The following IDE variants were observed in gnomAD, a reference collection of about 807,000 sequenced individuals.
IDE encodes insulin degrading enzyme, also known as insulin-degrading enzyme.
Under a neutral mutation model 133.2 loss-of-function variants are expected in IDE, and 58 were observed. The ratio of observed to expected loss-of-function variants is 0.44; its 90% CI spans 0.35 to 0.54. IDE has a LOEUF of 0.54. IDE is among the 20% of genes least tolerant of loss of function. The probability of loss-of-function intolerance (pLI) is 0.00; values close to 1 mark genes in which losing one functional copy is unlikely to be tolerated. For missense variants in IDE, 981 were observed against 1,234.0 expected (o/e 0.79, Z 3.07); for synonymous variants, 396 against 421.3 (o/e 0.94, Z 0.73).
chr10:92,522,264 T>A (rs543681062), intron 4 of IDE, among the ~76,000 whole-genome samples: 1 of 152,220 alleles, frequency 6.6e-6, no homozygotes, highest in Admixed American at 6.5e-5. Context: ...TACTTCTCTA[T>A]GCAAAAGCAT....
At position 92,486,982 on chromosome 10, in the gene IDE, C is replaced by G. The variant is rs202130882; in HGVS notation, c.1656+214G>C. Among the ~76,000 whole-genome samples the G allele has an allele frequency of 2.6e-5, 4 of 152,256 alleles. No individual in the cohort carries two copies. In the East Asian group the frequency reaches 5.8e-4, roughly 22 times the overall value. Reference sequence around the variant, plus strand: ...TTTCTCCTACAAAGAAAGTGATTCCCTAGATTCTACACTGTTTAGTTTTGT... The same window carrying G: ...TTTCTCCTACAAAGAAAGTGATTCCGTAGATTCTACACTGTTTAGTTTTGT... On this transcript the variant is annotated intron_variant, in intron 13 of 24. Transcript: ENST00000265986.
intron 1 of IDE, among the ~76,000 whole-genome samples, chr10:92,541,732 A>C (rs1372241048): frequency 6.6e-6 from 1 of 152,186 alleles, no homozygotes; most frequent in Non-Finnish European, 1.5e-5. Context: ...TAATCACAGA[A>C]GATAAAAGCT....
chr10:92,493,698 A>T (rs1333038928), intron 11 of IDE, among the ~76,000 whole-genome samples: 1 of 152,220 alleles, frequency 6.6e-6, no homozygotes, highest in Non-Finnish European at 1.5e-5. Context: ...ATGTTATTAT[A>T]AGGAAACAGA....
At chr10:92,535,007 G>A (rs1295017368) in intron 2 of IDE, among the ~76,000 whole-genome samples, 1 of 152,180 alleles carries the variant, frequency 6.6e-6, no homozygotes, top group African/African-American at 2.4e-5. Flanking sequence ...ACCTCAGGCA[G>A]GTTACTTAGT....
At chr10:92,518,184 T>C (rs973908640) in intron 4 of IDE, among the ~76,000 whole-genome samples, 33 of 152,112 alleles carry the variant, frequency 2.2e-4, no homozygotes, top group Non-Finnish European at 3.5e-4. Context: ...AAAGCCACAG[T>C]TCTAGAGGGA....
intron 22 of IDE, among the ~76,000 whole-genome samples, chr10:92,458,675 T>C (rs1275963334): frequency 9.2e-5 from 14 of 151,974 alleles, no homozygotes; most frequent in Non-Finnish European, 1.5e-5. Context: ...CTAATTTTTG[T>C]ATTTTTAGTA....
Position 92,540,209 on chromosome 10 carries a change from C to A in IDE, c.99-2659G>T, listed in dbSNP as rs566140114. The stretch of plus-strand genomic sequence containing the variant: ...AGTGAGCCAAGATCATGCCACTGCA[C>A]TCCAGCCTGGGCGCAACAGAGCGAG... On this transcript the variant is annotated intron_variant, in intron 1 of 24. Coordinates refer to ENST00000265986, the MANE Select transcript of IDE (RefSeq NM_004969.4). Among the ~76,000 whole-genome samples, 3 of 151,686 alleles carry A rather than the reference C, an allele frequency of 2.0e-5. No individual in the cohort carries two copies. In the South Asian group the frequency reaches 6.3e-4, roughly 32 times the overall value.
chr10:92,474,623 T>C (rs992459946), intron 17 of IDE: 14 of 421,010 alleles, frequency 3.3e-5, no homozygotes, highest in Non-Finnish European at 5.6e-5. Context: ...TTTGTTTGGG[T>C]TGGGAATGTT....
At chr10:92,498,159 A>T (rs1847817438) in intron 11 of IDE, among the ~76,000 whole-genome samples, 1 of 152,240 alleles carries the variant, frequency 6.6e-6, no homozygotes, top group Non-Finnish European at 1.5e-5. Flanking sequence ...TATTCATGAC[A>T]TTATATAAAG....
intron 17 of IDE, among the ~76,000 whole-genome samples, chr10:92,473,988 A>C (rs529409770): frequency 2.0e-5 from 3 of 152,278 alleles, no homozygotes; most frequent in Admixed American, 1.3e-4. Context: ...CTTTAAAAAA[A>C]AAAACACCAA....
chr10:92,542,391 G>A (rs1316688810), intron 1 of IDE, among the ~76,000 whole-genome samples: 1 of 152,220 alleles, frequency 6.6e-6, no homozygotes, highest in African/African-American at 2.4e-5. Flanking sequence ...CTGGCTTCAA[G>A]CAATCCACCC....
intron 4 of IDE, among the ~76,000 whole-genome samples, chr10:92,520,475 G>A (rs1849163890): frequency 1.3e-5 from 2 of 152,140 alleles, no homozygotes; most frequent in African/African-American, 4.8e-5. Flanking sequence ...TATGTTCTCA[G>A]GGAAAGGTCA....
chr10:92,522,073 G>A (rs1363024626), intron 4 of IDE, among the ~76,000 whole-genome samples: 1 of 151,940 alleles, frequency 6.6e-6, no homozygotes, highest in East Asian at 1.9e-4. Context: ...AAAAAAAAAT[G>A]GTGAAGGGAA....
chr10:92,469,155 T>A (rs1382710823), intron 18 of IDE, among the ~76,000 whole-genome samples, 165 bp from the exon 19 acceptor site: 2 of 152,188 alleles, frequency 1.3e-5, no homozygotes, highest in African/African-American at 4.8e-5. Context: ...CATTTTGCAA[T>A]AGAGTCAATA....
chr10:92,487,079 A>G, intron 13 of IDE, 117 bp downstream of exon 13: 1 of 925,974 alleles, frequency 1.1e-6, no homozygotes, highest in African/African-American at 1.7e-5. Flanking sequence ...TTTGTCACCT[A>G]TTAGGATGTG....
rs1373759435 is a variant in IDE at position 92,573,906 on chromosome 10, G to A, written c.98+16C>T. ...ACCCACGGGGCCCGAGGGCCCGGGC[G>A]CTCCATTCCGCTTACCCACACAGGC... On this transcript the variant is annotated intron_variant, in intron 1 of 24. Coordinates refer to ENST00000265986, the MANE Select transcript of IDE (RefSeq NM_004969.4). The A allele has an allele frequency of 6.9e-7, 1 of 1,443,130 alleles. No homozygotes were observed. Among genetic ancestry groups the A allele is most frequent in the Non-Finnish European group, 9.1e-7 (1 of 1,101,432 alleles). The allele number at this position is 1,443,130 out of a possible 1,614,324, so 89.4% of individuals were successfully genotyped here. A position where few individuals can be genotyped will look rare whatever the true frequency, so the allele number is the denominator to read the frequency against.
intron 22 of IDE, among the ~76,000 whole-genome samples, chr10:92,459,730 C>T (rs1372824223): frequency 6.6e-6 from 1 of 151,642 alleles, no homozygotes; most frequent in Admixed American, 6.6e-5. Flanking sequence ...TTGCATTTAG[C>T]ATACTTATTA....
chr10:92,486,703 C>T (rs1267260889), intron 13 of IDE, among the ~76,000 whole-genome samples: 3 of 152,194 alleles, frequency 2.0e-5, no homozygotes, highest in African/African-American at 7.2e-5. Context: ...GGGAACCCTA[C>T]TTCTCAACAG....
At chr10:92,504,416 T>C (rs867439010) in intron 11 of IDE, among the ~76,000 whole-genome samples, 6 of 152,206 alleles carry the variant, frequency 3.9e-5, no homozygotes, top group South Asian at 2.1e-4. Context: ...CTTCATTTGC[T>C]TATATGAGTC....
Sources: allele counts gnomAD v4.1 joint callset (sites outside exome capture counted in the v4.1 genomes callset), GRCh38; gene constraint gnomAD v4.1.1; transcripts MANE v1.5; gene names NCBI Gene and HGNC (gene_info 2026-07-23, HGNC 2026-07-21).